Variants in MRC1 observed in about 807,000 individuals in gnomAD.
MRC1 encodes mannose receptor C-type 1.
In MRC1, 62 loss-of-function variants were observed where a neutral mutation model predicts 102.9. The ratio of observed to expected loss-of-function variants is 0.60; its 90% CI spans 0.49 to 0.74. MRC1 has a LOEUF of 0.74. Ranked by LOEUF, MRC1 falls within the 30% of genes least tolerant of loss-of-function variation. The pLI, the probability that MRC1 is intolerant of heterozygous loss-of-function variation, is 0.00. For synonymous variants in MRC1, 457 were observed against 298.4 expected (o/e 1.53, Z -5.48); for missense variants, 1,237 against 862.8 (o/e 1.43, Z -5.43).
chr10:17,858,802 T>C (rs1833136802), intron 9 of MRC1, among the ~76,000 whole-genome samples: 1 of 152,196 alleles, frequency 6.6e-6, no homozygotes, highest in Middle Eastern at 3.2e-3. Flanking sequence ...ATCACAGGCA[T>C]GAGCCATCGT....
chr10:17,874,879 G>T (rs912211721), intron 16 of MRC1, among the ~76,000 whole-genome samples: 2 of 152,116 alleles, frequency 1.3e-5, no homozygotes, highest in African/African-American at 4.8e-5. Context: ...ATACAAAATG[G>T]GTCCTTTTTA....
At chr10:17,847,005 C>T (rs1410893382) in intron 6 of MRC1, among the ~76,000 whole-genome samples, 4 of 152,112 alleles carry the variant, frequency 2.6e-5, no homozygotes, top group African/African-American at 4.8e-5. Flanking sequence ...ATAGATTTGG[C>T]CAAGATCCTA....
rs1038306263 is a variant in MRC1 at position 17,889,833 on chromosome 10, G to A, written c.3148-4377G>A. Among the ~76,000 whole-genome samples, 180 of 152,284 alleles carry A rather than the reference G, an allele frequency of 1.2e-3. 1 individual carries two copies. The highest frequency in any genetic ancestry group is 3.8e-3 in the African/African-American group (159 of 41,564). ...TAGTTGTTTAACAACAACTATAGTT[G>A]TTTGAAGAGACCGGTATCTGTTAGA... On this transcript the variant is annotated intron_variant, in intron 22 of 29. Coordinates refer to ENST00000569591, the MANE Select transcript of MRC1 (RefSeq NM_002438.4).
intron 22 of MRC1, among the ~76,000 whole-genome samples, chr10:17,889,764 A>G (rs1833648093): frequency 6.6e-6 from 1 of 152,184 alleles, no homozygotes; most frequent in Admixed American, 6.5e-5. Flanking sequence ...CACCAAATAC[A>G]TTGCTGTCCA....
chr10:17,825,450 T>A (rs1838460723), intron 2 of MRC1, among the ~76,000 whole-genome samples: 1 of 152,052 alleles, frequency 6.6e-6, no homozygotes, highest in African/African-American at 2.4e-5. Flanking sequence ...CAGAGTTAGT[T>A]AATAAAGCTG....
intron 26 of MRC1, among the ~76,000 whole-genome samples, chr10:17,903,219 C>G (rs1459157398): frequency 6.6e-6 from 1 of 151,840 alleles, no homozygotes; most frequent in Non-Finnish European, 1.5e-5. Context: ...AGTGTTTACT[C>G]CATTTACACT....
At chr10:17,866,497 TG>T in intron 11 of MRC1, 64 bp from the exon 12 acceptor site, 1 of 780,802 alleles carries the variant, frequency 1.3e-6, no homozygotes, top group South Asian at 1.3e-5. Context: ...GAGTGCCTTC[TG>T]TGAGCACGGC....
intron 26 of MRC1, among the ~76,000 whole-genome samples, chr10:17,904,717 C>A (rs908155564): frequency 3.3e-5 from 5 of 152,154 alleles, no homozygotes; most frequent in Admixed American, 3.3e-4. Context: ...GCTTTCACTT[C>A]CTGCTTGTGT....
intron 11 of MRC1, among the ~76,000 whole-genome samples, chr10:17,865,074 C>G (rs939752666): frequency 6.6e-6 from 1 of 152,168 alleles, no homozygotes; most frequent in Non-Finnish European, 1.5e-5. Flanking sequence ...CACTAGCACA[C>G]AACATTGTTT....
intron 5 of MRC1, among the ~76,000 whole-genome samples, chr10:17,844,101 G>C (rs1204242109): frequency 6.6e-6 from 1 of 152,190 alleles, no homozygotes; most frequent in African/African-American, 2.4e-5. Flanking sequence ...AATGGATAAG[G>C]CATAGCTGCT....
At chr10:17,834,375 A>G (rs1463658613) in intron 4 of MRC1, among the ~76,000 whole-genome samples, 27 of 151,988 alleles carry the variant, frequency 1.8e-4, no homozygotes, top group South Asian at 6.3e-4. Context: ...TCTTTCCACA[A>G]TGTGTTTGGT....
chr10:17,815,601 A>G (rs944233742), intron 1 of MRC1, among the ~76,000 whole-genome samples: 13 of 151,812 alleles, frequency 8.6e-5, no homozygotes, highest in Non-Finnish European at 1.9e-4. Context: ...GTAGATATTC[A>G]TATCTTTAAG....
At chr10:17,821,314 C>A (rs1044887092) in intron 1 of MRC1, among the ~76,000 whole-genome samples, 3 of 152,116 alleles carry the variant, frequency 2.0e-5, no homozygotes, top group Non-Finnish European at 4.4e-5. Context: ...CCATCATCCC[C>A]CAAGATCCAT....
At chr10:17,878,639 T>C (rs1281924712) in intron 18 of MRC1, among the ~76,000 whole-genome samples, 2 of 152,242 alleles carry the variant, frequency 1.3e-5, no homozygotes, top group East Asian at 1.9e-4. Flanking sequence ...CTTTGAGCAA[T>C]AGAGACCTAA....
chr10:17,908,146 C>T (rs1239456075), intron 28 of MRC1, among the ~76,000 whole-genome samples: 1 of 152,194 alleles, frequency 6.6e-6, no homozygotes, highest in African/African-American at 2.4e-5. Context: ...ATGAAAGGAA[C>T]AGGATTGGGG....
At chr10:17,856,105 G>C (rs1489329197) in intron 8 of MRC1, 137 bp from the exon 9 acceptor site, 2 of 673,576 alleles carry the variant, frequency 3.0e-6, no homozygotes, top group East Asian at 2.7e-5. Flanking sequence ...GGGAGGCAGA[G>C]GTTGCCATGA....
Position 17,858,193 on chromosome 10 carries a change from A to G in MRC1, c.1518+1841A>G, listed in dbSNP as rs955000569. Among the ~76,000 whole-genome samples, 201 of 152,336 alleles carry G rather than the reference A, an allele frequency of 1.3e-3. 3 individuals are homozygous for G. Among genetic ancestry groups the G allele is most frequent in the African/African-American group, 4.8e-3 (198 of 41,576 alleles). On this transcript the variant is annotated intron_variant, in intron 9 of 29. Coordinates refer to ENST00000569591, the MANE Select transcript of MRC1 (RefSeq NM_002438.4). ...CCCTGAATAATAGTTTAGCTAGGTC[A>G]GTTTAGAATTCTGGATTGATGGTTG...
intron 22 of MRC1, among the ~76,000 whole-genome samples, chr10:17,893,720 C>G (rs1833713230): frequency 6.6e-6 from 1 of 152,192 alleles, no homozygotes; most frequent in African/African-American, 2.4e-5. Context: ...CCCTGTAAGA[C>G]TATAAATAAG....
Position 17,872,120 on chromosome 10 carries a change from C to A in MRC1, c.2338C>A (p.Gln780Lys). ...CCTTAACAACTGGATTTGCCAGATA[C>A]AAAAAGGTATGATCACCTCTTCTCT... ...EHLNNWICQI[Q>K]KGQTPKPEPT... The change falls in exon 15 of 30, where the codon CAA becomes AAA. Residue 780 changes from glutamine to lysine, a missense_variant. Physicochemically the swap from Gln to Lys is moderately conservative, Grantham distance 53. Transcript: ENST00000569591. 1 of 780,568 alleles carries A rather than the reference C, an allele frequency of 1.3e-6. No individual in the cohort carries two copies. The highest frequency in any genetic ancestry group is 1.3e-5 in the South Asian group (1 of 74,598). The allele number at this position is 780,568 out of a possible 1,614,324, so 48.4% of individuals were successfully genotyped here.
Sources: gnomAD v4.1 joint callset for allele counts (sites outside exome capture counted in the v4.1 genomes callset) on GRCh38, gnomAD v4.1.1 for gene constraint, MANE v1.5 for transcripts, NCBI Gene and HGNC (gene_info 2026-07-23, HGNC 2026-07-21) for gene names.